CDIPT: variants seen among roughly 807,000 people sequenced by gnomAD.
The protein encoded by CDIPT is PI synthase.
A neutral mutation model predicts 21.6 loss-of-function variants in CDIPT; 17 were observed. The observed-to-expected ratio is 0.79, with a 90% CI of 0.54 to 1.18. The LOEUF is 1.18. CDIPT is among the 50% of genes most tolerant of loss of function. CDIPT has a pLI of 0.00. For missense variants in CDIPT, 254 were observed against 284.9 expected (o/e 0.89, Z 0.78); for synonymous variants, 119 against 117.9 (o/e 1.01, Z -0.06).
rs1199413088 is a variant in CDIPT, at chr16:29,863,008, C to T, written c.-151G>A. On this transcript the variant is annotated 5_prime_UTR_variant, in exon 1 of 6. Coordinates refer to ENST00000219789, the MANE Select transcript of CDIPT (RefSeq NM_006319.5). Reference sequence around the variant, plus strand: ...CCCAACCTGGCCCCAGATGCTGAAGCCCGCAGCCGTCGGGAGCATGGACCG... The same window carrying T: ...CCCAACCTGGCCCCAGATGCTGAAGTCCGCAGCCGTCGGGAGCATGGACCG... 2.2e-6 allele frequency: 2 copies of T among 897,236 alleles called. No homozygotes were observed. Among genetic ancestry groups the T allele is most frequent in the African/African-American group, 1.7e-5 (1 of 60,132 alleles). The allele number at this position is 897,236 out of a possible 1,614,324, so 55.6% of individuals were successfully genotyped here.
In CDIPT at chr16:29,858,777, A is replaced by G. The variant is rs1447231488; in HGVS notation, c.*412T>C. ...GAGCCGGTGACAGGGAAGGCTGTGG[A>G]TGGCTTCTTCCCTCCTGGGCATGGT... On this transcript the variant is annotated 3_prime_UTR_variant, in exon 6 of 6. Transcript: ENST00000219789. 5.3e-6 allele frequency: 1 copy of G among 187,946 alleles called. No homozygotes were observed. 11.6% of individuals were successfully genotyped at this position (187,946 alleles called of 1,614,324 possible).
intron 3 of CDIPT, 34 bp downstream of exon 3, chr16:29,861,072 C>G (rs745521389): frequency 6.2e-7 from 1 of 1,612,076 alleles, no homozygotes; most frequent in South Asian, 1.1e-5. Flanking sequence ...TGTAATGTCT[C>G]CAAGTGGCCC....
rs2067654905 is a variant in CDIPT, at chr16:29,858,900, C to T, written c.*289G>A. ...TCCCTCACTCAAGCGTCCCTAGCAT[C>T]TCGGACCCCAGGACTGAGCAGGCAG... is the stretch of plus-strand genomic sequence containing the variant. On this transcript the variant is annotated 3_prime_UTR_variant, in exon 6 of 6. Transcript: ENST00000219789. 2.5e-6 allele frequency: 1 copy of T among 399,428 alleles called. No homozygotes were observed. The allele number at this position is 399,428 out of a possible 1,614,324, so 24.7% of individuals were successfully genotyped here. A position where few individuals can be genotyped will look rare whatever the true frequency, so the allele number is the denominator to read the frequency against.
At chr16:29,861,880 C>T (rs1180516513) in intron 2 of CDIPT, among the ~76,000 whole-genome samples, 1 of 151,972 alleles carries the variant, frequency 6.6e-6, no homozygotes, top group African/African-American at 2.4e-5. Flanking sequence ...ATTACAGGCA[C>T]GCGTCACCAA....
Position 29,859,450 on chromosome 16 carries a change from C to G in CDIPT, c.488G>C (p.Gly163Ala). The G allele has an allele frequency of 6.2e-7, 1 of 1,612,502 alleles. No homozygotes were observed. Among genetic ancestry groups the G allele is most frequent in the African/African-American group, 1.3e-5 (1 of 74,994 alleles). ...CLLYLFHFSE[G>A]PLVGSVGLFR... ...AGCCCCTCATCTCCTACCTAAAGGT[C>G]CCTCAGAGAAATGGAACAGGTAGAG... is the stretch of plus-strand genomic sequence containing the variant. The change falls in exon 5 of 6, where the codon GGA becomes GCA. Residue 163 changes from glycine to alanine, a missense_variant. Coordinates refer to ENST00000219789, the MANE Select transcript of CDIPT (RefSeq NM_006319.5). This position sits in a 1 kb window ranked among gnomAD's most constrained non-coding sequence, Gnocchi z 4.5.
chr16:29,861,136 T>C lies in CDIPT; in HGVS notation c.302A>G (p.Asp101Gly). The C allele has an allele frequency of 6.2e-7, 1 of 1,614,094 alleles. No individual in the cohort carries two copies. Among genetic ancestry groups the C allele is most frequent in the Non-Finnish European group, 8.5e-7 (1 of 1,180,014 alleles). ...GAGGTGCAGCCAGTGACTGGCCACA[T>C]CCAAACTCATGCTGATTTGGAAGAA... Reference protein sequence around the residue: ...TLFFQISMSLDVASHWLHLHS... With the variant: ...TLFFQISMSLGVASHWLHLHS... Residue 101 changes from aspartate to glycine, a missense_variant, in exon 3 of 6, where the codon GAT becomes GGT. Coordinates refer to ENST00000219789, the MANE Select transcript of CDIPT (RefSeq NM_006319.5).
chr16:29,862,979 C>G lies in CDIPT; in HGVS notation c.-122G>C. On this transcript the variant is annotated 5_prime_UTR_variant, in exon 1 of 6. Transcript: ENST00000219789. This position sits in a 1 kb window ranked among gnomAD's most constrained non-coding sequence, Gnocchi z 6.7. ...CGCACCACCTGCGCCCTGGACCCCG[C>G]CGCCCCAACCTGGCCCCAGATGCTG... is the stretch of plus-strand genomic sequence containing the variant. 8.9e-7 allele frequency: 1 copy of G among 1,125,784 alleles called. No homozygotes were observed. The highest frequency in any genetic ancestry group is 1.3e-6 in the Non-Finnish European group (1 of 750,270). 69.7% of individuals were successfully genotyped at this position (1,125,784 alleles called of 1,614,324 possible).
chr16:29,860,655 C>T lies in CDIPT; in HGVS notation c.340G>A (p.Val114Ile), dbSNP rs775685296. The T allele has an allele frequency of 5.0e-6, 8 of 1,609,584 alleles. No homozygotes were observed. Among genetic ancestry groups the T allele is most frequent in the Admixed American group, 1.7e-5 (1 of 59,800 alleles). Residue 114 changes from valine (V) to isoleucine (I), a missense_variant, in exon 4 of 6, where the codon GTC becomes ATC. By Grantham distance (29) the Val-to-Ile change is conservative. Coordinates refer to ENST00000219789, the MANE Select transcript of CDIPT (RefSeq NM_006319.5). Reference protein sequence around the residue: ...SHWLHLHSSVVRGSESHKMID... With the variant: ...SHWLHLHSSVIRGSESHKMID... ...ATCTTGTGACTCTCACTGCCTCGGA[C>T]CACAGAACTTGGGGAGAAAACAGGG...
rs1192671006 is a variant in CDIPT at position 29,858,688 on chromosome 16, A to G, written c.*501T>C. The G allele has an allele frequency of 1.3e-5, 2 of 156,496 alleles. No individual in the cohort carries two copies. The highest frequency in any genetic ancestry group is 2.4e-5 in the African/African-American group (1 of 41,448). The allele number at this position is 156,496 out of a possible 1,614,324, so 9.7% of individuals were successfully genotyped here. A position where few individuals can be genotyped will look rare whatever the true frequency, so the allele number is the denominator to read the frequency against. On this transcript the variant is annotated 3_prime_UTR_variant, in exon 6 of 6. Transcript: ENST00000219789. ...CCTCAACCCAGGCCCTGAGCCAAGAATATCTGAAAGGAAACCAAGTCAAAT... is the reference window on the plus strand; with the variant it reads ...CCTCAACCCAGGCCCTGAGCCAAGAGTATCTGAAAGGAAACCAAGTCAAAT...
Position 29,858,366 on chromosome 16 carries a change from G to A in CDIPT, c.*823C>T, listed in dbSNP as rs2067647716. ...ACTCTGAGAAACCAACTCATTGACA[G>A]ACGAGTATTTATTAAGCAGCTACTA... On this transcript the variant is annotated 3_prime_UTR_variant, in exon 6 of 6. Transcript: ENST00000219789. 2 of 151,944 alleles carry A rather than the reference G, an allele frequency of 1.3e-5. No individual in the cohort carries two copies. 9.4% of individuals were successfully genotyped at this position (151,944 alleles called of 1,614,324 possible).
Position 29,859,520 on chromosome 16 carries a change from C to A in CDIPT, c.418G>T (p.Ala140Ser), listed in dbSNP as rs745700199. ...VLRIYYTSRP[A>S]LFTLCAGNEL... ...TTCCCAGCACACAAGGTGAACAGAG[C>A]AGGCTGCACACACAGCAAACAGGCC... Residue 140 changes from alanine (A) to serine (S), a missense_variant, in exon 5 of 6, where the codon GCT becomes TCT. Coordinates refer to ENST00000219789, the MANE Select transcript of CDIPT (RefSeq NM_006319.5). This position sits in a 1 kb window ranked among gnomAD's most constrained non-coding sequence, Gnocchi z 4.5. 4 of 1,611,892 alleles carry A rather than the reference C, an allele frequency of 2.5e-6. No homozygotes were observed. The Admixed American group carries it at 5.0e-5, about 20-fold the overall frequency.
chr16:29,860,668 G>A lies in CDIPT; in HGVS notation c.333-6C>T, dbSNP rs192943434. The A allele has an allele frequency of 1.3e-6, 2 of 1,585,464 alleles. No homozygotes were observed. Among genetic ancestry groups the A allele is most frequent in the Non-Finnish European group, 1.7e-6 (2 of 1,155,232 alleles). ...CACTGCCTCGGACCACAGAACTTGG[G>A]GAGAAAACAGGGGAACCCACAAGGT... On this transcript the variant is annotated splice_region_variant and splice_polypyrimidine_tract_variant and intron_variant, in intron 3 of 5. Coordinates refer to ENST00000219789, the MANE Select transcript of CDIPT (RefSeq NM_006319.5).
chr16:29,859,030 G>A lies in CDIPT; in HGVS notation c.*159C>T. 2.6e-6 allele frequency: 2 copies of A among 778,942 alleles called. No homozygotes were observed. The highest frequency in any genetic ancestry group is 3.7e-4 in the Middle Eastern group (1 of 2,668). 48.3% of individuals were successfully genotyped at this position (778,942 alleles called of 1,614,324 possible). On this transcript the variant is annotated 3_prime_UTR_variant, in exon 6 of 6. Coordinates refer to ENST00000219789, the MANE Select transcript of CDIPT (RefSeq NM_006319.5). The surrounding 1 kb of genome is among the most constrained non-coding windows in gnomAD (Gnocchi z 4.5). ...AGGCCCGGGTCCTCAGGATCCCAGA[G>A]AACGTGACGTCACCAAAGAGAGGCT... is the stretch of plus-strand genomic sequence containing the variant.
chr16:29,862,914 C>A lies in CDIPT; in HGVS notation c.-57G>T. Reference sequence around the variant, plus strand: ...TCTGGAGATGCCAGTGCTGTCCCAGCCCCGCAGCGCGGCCTCAGCCTCCGG... The same window carrying A: ...TCTGGAGATGCCAGTGCTGTCCCAGACCCGCAGCGCGGCCTCAGCCTCCGG... On this transcript the variant is annotated 5_prime_UTR_variant, in exon 1 of 6. Coordinates refer to ENST00000219789, the MANE Select transcript of CDIPT (RefSeq NM_006319.5). The surrounding 1 kb of genome is among the most constrained non-coding windows in gnomAD (Gnocchi z 6.7). 5 of 1,598,130 alleles carry A rather than the reference C, an allele frequency of 3.1e-6. No homozygotes were observed. The highest frequency in any genetic ancestry group is 4.3e-6 in the Non-Finnish European group (5 of 1,167,574).
chr16:29,861,420 T>C (rs1386524158), intron 2 of CDIPT, 161 bp from the exon 3 acceptor site: 2 of 1,541,792 alleles, frequency 1.3e-6, no homozygotes, highest in Non-Finnish European at 1.7e-6. Flanking sequence ...GTGAGGTCAG[T>C]GGGCAAAGGT....
rs1422326600 is a variant in CDIPT, at chr16:29,862,543, G to C, written c.178+43C>G. ...CGAGGAGGCAGGGGAAGGGAGGAGG[G>C]GATTGTTGAACCCCAAGGCTGGCTG... is the stretch of plus-strand genomic sequence containing the variant. On this transcript the variant is annotated intron_variant, in intron 2 of 5. Coordinates refer to ENST00000219789, the MANE Select transcript of CDIPT (RefSeq NM_006319.5). This position sits in a 1 kb window ranked among gnomAD's most constrained non-coding sequence, Gnocchi z 6.7. 5.2e-6 allele frequency: 8 copies of C among 1,548,892 alleles called. No homozygotes were observed. In the East Asian group the frequency reaches 2.0e-4, roughly 38 times the overall value.
At chr16:29,861,522 C>G in intron 2 of CDIPT, 1 of 1,533,402 alleles carries the variant, frequency 6.5e-7, no homozygotes, top group Non-Finnish European at 8.7e-7. Context: ...ACCCCAGAAC[C>G]AAGACTCCAG....
At chr16:29,861,436 T>A (rs75646516) in intron 2 of CDIPT, 177 bp from the exon 3 acceptor site, 19 of 1,539,092 alleles carry the variant, frequency 1.2e-5, no homozygotes, top group Non-Finnish European at 1.7e-5. Flanking sequence ...AAGGTCACCA[T>A]GGCATGAACT....
In CDIPT at chr16:29,859,861, C is replaced by T. The variant is rs2067665563; in HGVS notation, c.415-338G>A. ...CTCTACTAACAATACAAAAATTAGC[C>T]GAGTGTGGTGGCACGTGCCGGTAGT... On this transcript the variant is annotated intron_variant, in intron 4 of 5. Coordinates refer to ENST00000219789, the MANE Select transcript of CDIPT (RefSeq NM_006319.5). The surrounding 1 kb of genome is among the most constrained non-coding windows in gnomAD (Gnocchi z 4.5). Among the ~76,000 whole-genome samples the T allele has an allele frequency of 1.3e-5, 2 of 152,008 alleles. No individual in the cohort carries two copies. The highest frequency in any genetic ancestry group is 2.1e-4 in the South Asian group (1 of 4,806).
Sources: allele counts gnomAD v4.1 joint callset (sites outside exome capture counted in the v4.1 genomes callset), GRCh38; gene constraint gnomAD v4.1.1; non-coding constraint Gnocchi (gnomAD v3.1); transcripts MANE v1.5; gene names NCBI Gene and HGNC (gene_info 2026-07-23, HGNC 2026-07-21).